The following FBXW2 variants were observed in gnomAD, a reference collection of about 807,000 sequenced individuals.
The protein encoded by FBXW2 is F-box and WD repeat domain containing 2.
Under a neutral mutation model 46.0 loss-of-function variants are expected in FBXW2, and 12 were observed. The ratio of observed to expected loss-of-function variants is 0.26; its 90% CI spans 0.17 to 0.42. The LOEUF (loss-of-function observed/expected upper bound fraction) is 0.42, where lower values mean the gene tolerates loss of function less well. Among genes scored for constraint, FBXW2 ranks in the 10% least tolerant of loss-of-function variants. The pLI is 1.00. For synonymous variants in FBXW2, 203 were observed against 209.6 expected (o/e 0.97, Z 0.27); for missense variants, 360 against 537.0 (o/e 0.67, Z 3.26).
In FBXW2 at chr9:120,793,355, CG is replaced by C; in HGVS notation, c.-132del. 1 of 403,626 alleles carries C rather than the reference CG, an allele frequency of 2.5e-6. No homozygotes were observed. The highest frequency in any genetic ancestry group is 4.4e-6 in the Non-Finnish European group (1 of 229,042). The allele number at this position is 403,626 out of a possible 1,614,324, so 25.0% of individuals were successfully genotyped here. A position where few individuals can be genotyped will look rare whatever the true frequency, so the allele number is the denominator to read the frequency against. On this transcript the variant is annotated splice_region_variant and 5_prime_UTR_variant, in exon 1 of 8. Transcript: ENST00000608872. ...ACCGGCCCCGCCTCGCATACAGACCCGGACCTGCGGCCGCTGCTCCCGGTCC... is the reference window on the plus strand; with the variant it reads ...ACCGGCCCCGCCTCGCATACAGACCCGACCTGCGGCCGCTGCTCCCGGTCC...
intron 2 of FBXW2, chr9:120,792,786 C>G (rs1349807647): frequency 5.9e-6 from 6 of 1,012,544 alleles, no homozygotes; most frequent in East Asian, 5.2e-5. Context: ...TAGCACAGTA[C>G]TCGGCACGCT....
rs1016297428 is a variant in FBXW2 at position 120,793,377 on chromosome 9, G to T, written c.-153C>A. 1 of 400,736 alleles carries T rather than the reference G, an allele frequency of 2.5e-6. No homozygotes were observed. The highest frequency in any genetic ancestry group is 2.1e-5 in the African/African-American group (1 of 48,624). The allele number at this position is 400,736 out of a possible 1,614,324, so 24.8% of individuals were successfully genotyped here. On this transcript the variant is annotated 5_prime_UTR_variant, in exon 1 of 8. Transcript: ENST00000608872. The stretch of plus-strand genomic sequence containing the variant: ...ACCCGGACCTGCGGCCGCTGCTCCC[G>T]GTCCGCAGCCTCACAGGGGAGCGGC...
rs746882642 is a variant in FBXW2 at position 120,778,334 on chromosome 9, G to GAA, written c.685+15_685+16dup. 1 of 1,604,744 alleles carries GAA rather than the reference G, an allele frequency of 6.2e-7. No individual in the cohort carries two copies. Among genetic ancestry groups the GAA allele is most frequent in the Non-Finnish European group, 8.5e-7 (1 of 1,176,182 alleles). Reference sequence around the variant, plus strand: ...ATGAGGCTAAGTTGTAAAAACCCTTGAAAAAGGGCAACCCACCCGCCCCCG... The same window carrying GAA: ...ATGAGGCTAAGTTGTAAAAACCCTTGAAAAAAAGGGCAACCCACCCGCCCCCG... On this transcript the variant is annotated intron_variant, in intron 4 of 7. Transcript: ENST00000608872.
At chr9:120,777,722 C>CAAAAAAAAAA (rs982837832) in intron 4 of FBXW2, among the ~76,000 whole-genome samples, 1 of 144,624 alleles carries the variant, frequency 6.9e-6, no homozygotes, top group Non-Finnish European at 1.5e-5. Flanking sequence ...CCGCCCCCGC[C>CAAAAAAAAAA]AAAAAAAAAG....
At chr9:120,772,392 C>T (rs576331909) in intron 6 of FBXW2, among the ~76,000 whole-genome samples, 1 of 152,166 alleles carries the variant, frequency 6.6e-6, no homozygotes, top group Non-Finnish European at 1.5e-5. Context: ...ACTCGGTAGG[C>T]TGAGGCAGGA....
intron 6 of FBXW2, 151 bp from the exon 7 acceptor site, chr9:120,771,668 C>T (rs981788501): frequency 1.6e-6 from 1 of 644,364 alleles, no homozygotes; most frequent in Non-Finnish European, 2.6e-6. Flanking sequence ...AGGTTCAAGT[C>T]TTAATTCTCC....
In FBXW2 at chr9:120,758,075, T is replaced by C. The variant is rs2044148879; in HGVS notation, c.*6484A>G. The C allele has an allele frequency of 6.6e-6, 1 of 152,168 alleles. No individual in the cohort carries two copies. Among genetic ancestry groups the C allele is most frequent in the Non-Finnish European group, 1.5e-5 (1 of 68,028 alleles). The allele number at this position is 152,168 out of a possible 1,614,324, so 9.4% of individuals were successfully genotyped here. A position where few individuals can be genotyped will look rare whatever the true frequency, so the allele number is the denominator to read the frequency against. On this transcript the variant is annotated 3_prime_UTR_variant, in exon 8 of 8. Coordinates refer to ENST00000608872, the MANE Select transcript of FBXW2 (RefSeq NM_012164.4). ...GGGGAAACCAGGTATTCACTTGTAT[T>C]TTGGAAAAAACTGAGAATCAAGGAT...
rs534310382 is a variant in FBXW2 at position 120,785,185 on chromosome 9, T to G, written c.490+2584A>C. Among the ~76,000 whole-genome samples the G allele has an allele frequency of 1.8e-3, 270 of 152,098 alleles. 3 individuals carry two copies. Among genetic ancestry groups the G allele is most frequent in the African/African-American group, 6.2e-3 (257 of 41,488 alleles). On this transcript the variant is annotated intron_variant, in intron 3 of 7. Coordinates refer to ENST00000608872, the MANE Select transcript of FBXW2 (RefSeq NM_012164.4). ...CAGCACACCCAGCTGTTTTTTTATT[T>G]TTTTGTAGAGATGGGATTTTGCTAT...
intron 2 of FBXW2, chr9:120,792,748 T>A: frequency 8.4e-6 from 5 of 598,186 alleles, no homozygotes; most frequent in South Asian, 7.4e-5. Flanking sequence ...TTTATGAGGG[T>A]TAAACAAGAC....
chr9:120,792,362 G>A (rs2044863953), intron 2 of FBXW2: 1 of 152,248 alleles, frequency 6.6e-6, no homozygotes, highest in African/African-American at 2.4e-5. Context: ...CAAACAAAGA[G>A]CACAGAGGCG....
rs1473881912 is a variant in FBXW2 at position 120,757,123 on chromosome 9, A to C, written c.*7436T>G. ...CAGAATTCAAGAGATACAAATAAGC[A>C]CACATAAAAATATGTCATTTTCTCT... On this transcript the variant is annotated 3_prime_UTR_variant, in exon 8 of 8. Transcript: ENST00000608872. 1 of 150,958 alleles carries C rather than the reference A, an allele frequency of 6.6e-6. No homozygotes were observed. Among genetic ancestry groups the C allele is most frequent in the African/African-American group, 2.4e-5 (1 of 41,152 alleles). 9.4% of individuals were successfully genotyped at this position (150,958 alleles called of 1,614,324 possible).
intron 5 of FBXW2, among the ~76,000 whole-genome samples, chr9:120,775,367 T>C (rs1408698312): frequency 6.6e-6 from 1 of 152,210 alleles, no homozygotes; most frequent in Non-Finnish European, 1.5e-5. Context: ...TAGAACACTG[T>C]ACTGTTCCTT....
chr9:120,789,431 T>G (rs1002532360), intron 2 of FBXW2, among the ~76,000 whole-genome samples: 2 of 152,250 alleles, frequency 1.3e-5, no homozygotes, highest in Non-Finnish European at 2.9e-5. Flanking sequence ...TAATGAGGAT[T>G]AGACTAATGA....
intron 7 of FBXW2, 27 bp from the exon 8 acceptor site, chr9:120,764,874 G>GA: frequency 6.7e-7 from 1 of 1,501,070 alleles, no homozygotes; most frequent in Non-Finnish European, 8.9e-7. Context: ...TAGGGACTGT[G>GA]AAAGAAGGCA....
intron 6 of FBXW2, among the ~76,000 whole-genome samples, chr9:120,772,115 G>A (rs561456627): frequency 6.8e-6 from 1 of 147,902 alleles, no homozygotes; most frequent in South Asian, 2.2e-4. Flanking sequence ...AGTACTTTGT[G>A]AACTCTTTGC....
intron 2 of FBXW2, 21 bp from the exon 3 acceptor site, chr9:120,788,299 G>T: frequency 6.3e-7 from 1 of 1,592,088 alleles, no homozygotes; most frequent in South Asian, 1.1e-5. Context: ...TCAAAATATT[G>T]TATTAGTTCT....
intron 3 of FBXW2, among the ~76,000 whole-genome samples, chr9:120,783,622 T>C (rs932027497): frequency 6.6e-6 from 1 of 152,202 alleles, no homozygotes; most frequent in Non-Finnish European, 1.5e-5. Context: ...TGATTTGCTA[T>C]AGTCCACACA....
chr9:120,768,005 T>C (rs972321895), intron 7 of FBXW2, among the ~76,000 whole-genome samples: 4 of 152,238 alleles, frequency 2.6e-5, no homozygotes, highest in Non-Finnish European at 5.9e-5. Flanking sequence ...CCTGATGTTA[T>C]CACCTTGTTT....
intron 7 of FBXW2, among the ~76,000 whole-genome samples, chr9:120,770,879 A>G (rs886885733): frequency 6.6e-6 from 1 of 152,212 alleles, no homozygotes; most frequent in African/African-American, 2.4e-5. Flanking sequence ...CTTTGGAGGG[A>G]AACCCTGCAA....
Sources: gnomAD v4.1 joint callset for allele counts (sites outside exome capture counted in the v4.1 genomes callset) on GRCh38, gnomAD v4.1.1 for gene constraint, MANE v1.5 for transcripts, NCBI Gene and HGNC (gene_info 2026-07-23, HGNC 2026-07-21) for gene names.